GRID2: variants seen among roughly 807,000 people sequenced by gnomAD.
The protein encoded by GRID2 is glutamate ionotropic receptor delta type subunit 2.
A neutral mutation model predicts 114.8 loss-of-function variants in GRID2; 33 were observed. The observed-to-expected ratio is 0.29, with a 90% CI of 0.22 to 0.38. GRID2 has a LOEUF of 0.38. Among genes scored for constraint, GRID2 ranks in the 10% least tolerant of loss-of-function variants. GRID2 has a pLI of 1.00. For synonymous variants in GRID2, 505 were observed against 449.9 expected, an observed-to-expected ratio of 1.12 and a Z score of -1.55; for missense variants, 1,184 against 1,257.7, an observed-to-expected ratio of 0.94 and a Z score of 0.89.
rs1750009371 is a variant in GRID2, at chr4:93,259,522, G to C, written c.1245+21032G>C. Among the ~76,000 whole-genome samples the C allele has an allele frequency of 2.0e-5, 3 of 151,674 alleles. No homozygotes were observed. The South Asian group carries it at 6.2e-4, about 31-fold the overall frequency. On this transcript the variant is annotated intron_variant, in intron 8 of 15. Coordinates refer to ENST00000282020, the MANE Select transcript of GRID2 (RefSeq NM_001510.4). ...TTTTTACATACATGAAATTTATACT[G>C]TCAATAATTTAATAAAGAGATTTTC... is the stretch of plus-strand genomic sequence containing the variant.
At chr4:92,725,236 G>C (rs1011461203) in intron 2 of GRID2, among the ~76,000 whole-genome samples, 2 of 152,084 alleles carry the variant, frequency 1.3e-5, no homozygotes, top group Non-Finnish European at 2.9e-5. Flanking sequence ...GGAGGTGGAG[G>C]GAGGTTGCAG....
chr4:92,454,301 A>C (rs1384341437), intron 1 of GRID2, among the ~76,000 whole-genome samples: 1 of 152,208 alleles, frequency 6.6e-6, no homozygotes, highest in Admixed American at 6.5e-5. Context: ...AATACAGAGA[A>C]AAGTACTTAA....
At chr4:93,124,207 C>G (rs887294206) in intron 4 of GRID2, among the ~76,000 whole-genome samples, 5 of 151,764 alleles carry the variant, frequency 3.3e-5, no homozygotes, top group Non-Finnish European at 5.9e-5. Context: ...AAGGCAAGGA[C>G]AGGCTAACAT....
chr4:92,366,978 T>A (rs1728901375), intron 1 of GRID2, among the ~76,000 whole-genome samples: 1 of 152,122 alleles, frequency 6.6e-6, no homozygotes, highest in Non-Finnish European at 1.5e-5. Context: ...ATTCATTTTG[T>A]TGTCATACCT....
chr4:93,580,641 C>T (rs1208826579), intron 13 of GRID2, among the ~76,000 whole-genome samples: 1 of 152,102 alleles, frequency 6.6e-6, no homozygotes, highest in Non-Finnish European at 1.5e-5. Context: ...TCACCACTTC[C>T]CTTGGCATAT....
intron 2 of GRID2, among the ~76,000 whole-genome samples, chr4:93,055,802 T>C (rs778397340): frequency 1.3e-5 from 2 of 151,972 alleles, no homozygotes; most frequent in African/African-American, 2.4e-5. Context: ...TTATATTTAA[T>C]TTGCTTACAA....
At chr4:93,380,988 C>T (rs2149308011) in intron 8 of GRID2, among the ~76,000 whole-genome samples, 1 of 152,016 alleles carries the variant, frequency 6.6e-6, no homozygotes, top group South Asian at 2.1e-4. Flanking sequence ...GGCTGAGGTG[C>T]TTTAGTTACC....
At chr4:93,069,395 G>T (rs1728611098) in intron 2 of GRID2, among the ~76,000 whole-genome samples, 1 of 151,666 alleles carries the variant, frequency 6.6e-6, no homozygotes, top group African/African-American at 2.4e-5. Flanking sequence ...ACAGTGGGGG[G>T]AAAAATATCC....
intron 1 of GRID2, among the ~76,000 whole-genome samples, chr4:92,465,056 A>G (rs1721682349): frequency 6.6e-6 from 1 of 152,082 alleles, no homozygotes; most frequent in Non-Finnish European, 1.5e-5. Flanking sequence ...CATAACTGAA[A>G]GTTTCCTGAG....
intron 2 of GRID2, among the ~76,000 whole-genome samples, chr4:92,760,135 G>T (rs936409006): frequency 6.7e-6 from 1 of 150,058 alleles, no homozygotes; most frequent in African/African-American, 2.5e-5. Flanking sequence ...AGCTACTCAG[G>T]AGGTGAGGCA....
chr4:93,656,754 C>G (rs1391178575), intron 14 of GRID2, among the ~76,000 whole-genome samples: 1 of 123,824 alleles, frequency 8.1e-6, no homozygotes, highest in Non-Finnish European at 1.7e-5. Context: ...GCCGTGAACC[C>G]GGGAGGCAGA....
intron 11 of GRID2, among the ~76,000 whole-genome samples, chr4:93,471,174 C>T (rs990315672): frequency 6.6e-6 from 1 of 152,078 alleles, no homozygotes; most frequent in Non-Finnish European, 1.5e-5. Context: ...ACAAACCTCA[C>T]GGATAAAACT....
At chr4:93,489,937 G>C (rs577602692) in intron 11 of GRID2, among the ~76,000 whole-genome samples, 71 of 152,008 alleles carry the variant, frequency 4.7e-4, no homozygotes, top group African/African-American at 1.6e-3. Context: ...TAGGGGGCTA[G>C]AAATGTAAAT....
At chr4:93,272,511 G>A (rs748628533) in intron 8 of GRID2, among the ~76,000 whole-genome samples, 44 of 152,246 alleles carry the variant, frequency 2.9e-4, no homozygotes, top group Non-Finnish European at 5.7e-4. Flanking sequence ...ATGCTCTAGC[G>A]CAAGGGAGTG....
At chr4:92,859,575 A>T (rs574693622) in intron 2 of GRID2, among the ~76,000 whole-genome samples, 2 of 152,322 alleles carry the variant, frequency 1.3e-5, no homozygotes, top group South Asian at 2.1e-4. Context: ...TGTGAAAATT[A>T]TATCCTCAGA....
chr4:93,280,704 A>C (rs72872797), intron 8 of GRID2, among the ~76,000 whole-genome samples: 4,904 of 152,106 alleles, frequency 0.032, 277 homozygotes, highest in African/African-American at 0.11. Context: ...TATGGGAAAC[A>C]GATTATGTAA....
At chr4:92,759,554 T>C (rs1204278473) in intron 2 of GRID2, among the ~76,000 whole-genome samples, 1 of 152,022 alleles carries the variant, frequency 6.6e-6, no homozygotes, top group East Asian at 1.9e-4. Flanking sequence ...ACTTACAGAG[T>C]AATATCAAAT....
rs189571358 is a variant in GRID2, at chr4:92,693,580, G to A, written c.244+103294G>A. 1.9e-3 allele frequency among the ~76,000 whole-genome samples: 283 copies of A among 152,224 alleles called. 1 individual carries two copies. The highest frequency in any genetic ancestry group is 6.1e-3 in the African/African-American group (255 of 41,532). ...TTAACACAGTACTGTGAGATGAACA[G>A]GAAATGACTATATTCCCATCTTAAG... is the stretch of plus-strand genomic sequence containing the variant. On this transcript the variant is annotated intron_variant, in intron 2 of 15. Transcript: ENST00000282020.
chr4:92,918,026 T>C (rs569898379), intron 2 of GRID2, among the ~76,000 whole-genome samples: 1 of 152,308 alleles, frequency 6.6e-6, no homozygotes, highest in African/African-American at 2.4e-5. Context: ...TTTTATTTCA[T>C]TGAGCACTGG....
Sources: gnomAD v4.1 joint callset for allele counts (sites outside exome capture counted in the v4.1 genomes callset) on GRCh38, gnomAD v4.1.1 for gene constraint, MANE v1.5 for transcripts, NCBI Gene and HGNC (gene_info 2026-07-23, HGNC 2026-07-21) for gene names.